The following ARHGEF12 variants were observed in gnomAD, a reference collection of about 807,000 sequenced individuals.
ARHGEF12 encodes the protein KMT2A/ARHGEF12 fusion protein.
A neutral mutation model predicts 211.2 loss-of-function variants in ARHGEF12; 66 were observed. The ratio of observed to expected loss-of-function variants is 0.31; its 90% CI spans 0.26 to 0.38. The LOEUF (loss-of-function observed/expected upper bound fraction) is 0.38, where lower values mean the gene tolerates loss of function less well. ARHGEF12 is among the 10% of genes least tolerant of loss of function. The pLI, the probability that ARHGEF12 is intolerant of heterozygous loss-of-function variation, is 1.00. For missense variants in ARHGEF12, 1,429 were observed against 1,869.5 expected (o/e 0.76, Z 4.34); for synonymous variants, 592 against 638.4 (o/e 0.93, Z 1.09).
In ARHGEF12 at chr11:120,429,833, T is replaced by C; in HGVS notation, c.783+2T>C. Reference sequence around the variant, plus strand: ...TCCAAAGCCACAGGCTCTGCTCAGGTAGCATCACTATTACAAGTGCTACCC... The same window carrying C: ...TCCAAAGCCACAGGCTCTGCTCAGGCAGCATCACTATTACAAGTGCTACCC... On this transcript the variant is annotated splice_donor_variant, in intron 10 of 40. Transcript: ENST00000397843. LOFTEE classifies it high-confidence loss of function. 1 of 1,609,262 alleles carries C rather than the reference T, an allele frequency of 6.2e-7. No individual in the cohort carries two copies. The highest frequency in any genetic ancestry group is 8.5e-7 in the Non-Finnish European group (1 of 1,178,656).
At chr11:120,402,145 C>A (rs906187314) in intron 1 of ARHGEF12, among the ~76,000 whole-genome samples, 2 of 152,118 alleles carry the variant, frequency 1.3e-5, no homozygotes, top group Non-Finnish European at 2.9e-5. Flanking sequence ...AGAATATTAA[C>A]CCAGTTACAT....
At chr11:120,393,517 C>G (rs1944283878) in intron 1 of ARHGEF12, among the ~76,000 whole-genome samples, 1 of 152,114 alleles carries the variant, frequency 6.6e-6, no homozygotes, top group Non-Finnish European at 1.5e-5. Context: ...TAAAGGAAAA[C>G]TAGACCACAT....
intron 39 of ARHGEF12, among the ~76,000 whole-genome samples, chr11:120,483,653 C>A (rs1458331565): frequency 3.9e-5 from 6 of 151,968 alleles, no homozygotes; most frequent in African/African-American, 1.2e-4. Context: ...CTTGCTCTGT[C>A]GCCCAGGCTG....
intron 10 of ARHGEF12, 117 bp from the exon 11 acceptor site, chr11:120,431,654 G>T: frequency 8.9e-7 from 1 of 1,120,956 alleles, no homozygotes. Context: ...ATATCAGAAT[G>T]TCCAACTTTT....
intron 11 of ARHGEF12, among the ~76,000 whole-genome samples, chr11:120,433,384 A>G (rs1214481957): frequency 6.6e-6 from 1 of 152,212 alleles, no homozygotes; most frequent in Non-Finnish European, 1.5e-5. Context: ...AAGGGCTTCA[A>G]CTTGTTCTAG....
At chr11:120,422,793 A>G (rs1591571630) in intron 6 of ARHGEF12, among the ~76,000 whole-genome samples, 1 of 152,206 alleles carries the variant, frequency 6.6e-6, no homozygotes, top group Non-Finnish European at 1.5e-5. Flanking sequence ...ATGTATGTGT[A>G]TGTATGAGAA....
At chr11:120,342,730 A>C (rs984749011) in intron 1 of ARHGEF12, among the ~76,000 whole-genome samples, 1 of 152,348 alleles carries the variant, frequency 6.6e-6, no homozygotes, top group East Asian at 1.9e-4. Flanking sequence ...ATGATTACCA[A>C]ATCAACTAAT....
intron 7 of ARHGEF12, 72 bp downstream of exon 7, chr11:120,424,487 A>G: frequency 8.3e-7 from 1 of 1,204,912 alleles, no homozygotes; most frequent in Non-Finnish European, 1.2e-6. Flanking sequence ...AATTTCCTGT[A>G]ATAGGCCAAA....
intron 1 of ARHGEF12, among the ~76,000 whole-genome samples, chr11:120,402,255 CT>C (rs765284794): frequency 6.6e-6 from 1 of 152,162 alleles, no homozygotes; most frequent in Non-Finnish European, 1.5e-5. Context: ...CTGTCCATTT[CT>C]GATTTTCAAT....
chr11:120,373,163 TTTAGA>T, intron 1 of ARHGEF12, among the ~76,000 whole-genome samples: 1 of 152,196 alleles, frequency 6.6e-6, no homozygotes, highest in African/African-American at 2.4e-5. Flanking sequence ...TAAAATACAG[TTTAGA>T]TTAATCCTTT....
At chr11:120,474,811 G>A (rs1002398647) in intron 32 of ARHGEF12, among the ~76,000 whole-genome samples, 176 bp downstream of exon 32, 1 of 152,188 alleles carries the variant, frequency 6.6e-6, no homozygotes, top group Non-Finnish European at 1.5e-5. Flanking sequence ...TGTAAGATGT[G>A]TTAAATATTC....
intron 1 of ARHGEF12, among the ~76,000 whole-genome samples, chr11:120,390,256 G>C (rs752428940): frequency 6.6e-6 from 1 of 152,114 alleles, no homozygotes; most frequent in African/African-American, 2.4e-5. Flanking sequence ...GAATTTAACA[G>C]ATTTGGCAAG....
intron 1 of ARHGEF12, among the ~76,000 whole-genome samples, chr11:120,369,678 G>A (rs1187440871): frequency 1.3e-5 from 2 of 152,170 alleles, no homozygotes; most frequent in Non-Finnish European, 1.5e-5. Context: ...TTTAAAAGAA[G>A]GAAAACACCT....
chr11:120,442,958 A>G (rs1167812670), intron 15 of ARHGEF12, among the ~76,000 whole-genome samples: 1 of 151,794 alleles, frequency 6.6e-6, no homozygotes, highest in African/African-American at 2.4e-5. Flanking sequence ...CAGATGTATC[A>G]TCTGCCCTCA....
Position 120,481,571 on chromosome 11 carries a change from T to G in ARHGEF12, c.4549T>G (p.Leu1517Val). 6.2e-7 allele frequency: 1 copy of G among 1,613,368 alleles called. No homozygotes were observed. The highest frequency in any genetic ancestry group is 8.5e-7 in the Non-Finnish European group (1 of 1,179,396). ...TAAGATAGAGGCTGACCTTGAACAC[T>G]TAAAGGTACCTCATACTTCCACATC... ...IHKIEADLEHLKKVEESYTIL... is the reference protein window; with the variant it reads ...IHKIEADLEHVKKVEESYTIL... Residue 1517 changes from leucine (L) to valine (V), a missense_variant, in exon 39 of 41, where the codon TTA becomes GTA. By Grantham distance (32) the Leu-to-Val change is conservative (BLOSUM62 1). This residue lies in a region of ARHGEF12 where 467 missense variants were observed against 468.4 expected (regional missense o/e 1.00). Transcript: ENST00000397843.
chr11:120,480,128 A>G lies in ARHGEF12; in HGVS notation c.3935A>G (p.His1312Arg), dbSNP rs1172686701. The change falls in exon 38 of 41, where the codon CAT becomes CGT. Residue 1312 changes from histidine (H) to arginine (R), a missense_variant. His to Arg is a conservative substitution (Grantham distance 29). Transcript: ENST00000397843. ...NIKAYHSGEG[H>R]MPFRTGTGDI... ...AAGGCCTATCATTCTGGTGAAGGAC[A>G]TATGCCCTTTAGAACTGGAACTGGT... is the stretch of plus-strand genomic sequence containing the variant. 1.9e-6 allele frequency: 3 copies of G among 1,614,108 alleles called. No individual in the cohort carries two copies. Among genetic ancestry groups the G allele is most frequent in the Middle Eastern group, 1.6e-4 (1 of 6,084 alleles).
intron 29 of ARHGEF12, among the ~76,000 whole-genome samples, chr11:120,468,458 T>C (rs1297279813): frequency 3.9e-5 from 6 of 152,252 alleles, no homozygotes; most frequent in Non-Finnish European, 7.3e-5. Flanking sequence ...TGTTTTGTTT[T>C]GTTTTTTTGA....
intron 11 of ARHGEF12, among the ~76,000 whole-genome samples, chr11:120,432,385 C>A (rs1228589579): frequency 6.6e-6 from 1 of 152,154 alleles, no homozygotes; most frequent in Admixed American, 6.5e-5. Context: ...TCTTGATTAA[C>A]CCAGAAACTG....
At chr11:120,437,273 T>C (rs1385512174) in intron 11 of ARHGEF12, 35 bp from the exon 12 acceptor site, 1 of 1,497,062 alleles carries the variant, frequency 6.7e-7, no homozygotes, top group Admixed American at 1.9e-5. Context: ...GGTGTGCCTA[T>C]TGAAATGAAC....
Sources: allele counts gnomAD v4.1 joint callset (sites outside exome capture counted in the v4.1 genomes callset), GRCh38; gene constraint gnomAD v4.1.1; regional missense constraint gnomAD v4.1.1; transcripts MANE v1.5; gene names NCBI Gene and HGNC (gene_info 2026-07-23, HGNC 2026-07-21).